Variants in ZBTB46 observed in about 807,000 individuals in gnomAD.
The protein encoded by ZBTB46 is zinc finger and BTB domain-containing protein 46.
In ZBTB46, 8 loss-of-function variants were observed where a neutral mutation model predicts 44.1. The ratio of observed to expected loss-of-function variants is 0.18; its 90% CI spans 0.11 to 0.33. ZBTB46 has a LOEUF of 0.33. ZBTB46 is among the 10% of genes least tolerant of loss of function. The probability of loss-of-function intolerance (pLI) is 1.00; values close to 1 mark genes in which losing one functional copy is unlikely to be tolerated. For synonymous variants in ZBTB46, 409 were observed against 382.3 expected, an observed-to-expected ratio of 1.07 and a Z score of -0.81; for missense variants, 651 against 847.7, an observed-to-expected ratio of 0.77 and a Z score of 2.88.
chr20:63,759,140 G>A (rs1381601533), intron 3 of ZBTB46, among the ~76,000 whole-genome samples: 2 of 152,218 alleles, frequency 1.3e-5, no homozygotes, highest in South Asian at 4.2e-4. Context: ...ATAGTTTTCT[G>A]TGTAGAGGTC....
intron 2 of ZBTB46, among the ~76,000 whole-genome samples, chr20:63,778,216 CAACAACAAA>C (rs1397055983): frequency 1.3e-5 from 2 of 152,132 alleles, no homozygotes; most frequent in Non-Finnish European, 2.9e-5. Flanking sequence ...TATTTAACAA[CAACAACAAA>C]AACAACAAAA....
intron 1 of ZBTB46, among the ~76,000 whole-genome samples, chr20:63,796,644 G>A (rs1030563144): frequency 1.3e-5 from 2 of 152,114 alleles, no homozygotes; most frequent in Non-Finnish European, 1.5e-5. Flanking sequence ...TGGCCAATAT[G>A]GTGAAACCCC....
chr20:63,826,471 C>T (rs551602522), intron 1 of ZBTB46, among the ~76,000 whole-genome samples: 4 of 152,162 alleles, frequency 2.6e-5, no homozygotes, highest in Non-Finnish European at 5.9e-5. Flanking sequence ...GCCTGTAATC[C>T]CAGCACTTTG....
At chr20:63,784,368 C>G (rs1473009526) in intron 2 of ZBTB46, among the ~76,000 whole-genome samples, 3 of 152,206 alleles carry the variant, frequency 2.0e-5, no homozygotes, top group Non-Finnish European at 4.4e-5. Context: ...CCATTGTCCC[C>G]CATCTGGAGC....
intron 4 of ZBTB46, among the ~76,000 whole-genome samples, chr20:63,747,908 C>T (rs1305872869): frequency 6.6e-6 from 1 of 152,254 alleles, no homozygotes; most frequent in Non-Finnish European, 1.5e-5. Context: ...TTCCTCCAAA[C>T]CTCCCTGCAG....
chr20:63,765,105 TTGTGTG>T, intron 3 of ZBTB46, among the ~76,000 whole-genome samples: 2 of 150,486 alleles, frequency 1.3e-5, no homozygotes, highest in Non-Finnish European at 3.0e-5. Context: ...GTATGTGTGG[TTGTGTG>T]TGTGTGTGCG....
intron 1 of ZBTB46, among the ~76,000 whole-genome samples, chr20:63,820,870 AG>A (rs1231199973): frequency 6.6e-6 from 1 of 151,540 alleles, no homozygotes; most frequent in Non-Finnish European, 1.5e-5. Context: ...CTGGGACTAC[AG>A]GTGTCTGCCC....
intron 3 of ZBTB46, among the ~76,000 whole-genome samples, chr20:63,760,211 T>A (rs1363221092): frequency 6.6e-6 from 1 of 152,190 alleles, no homozygotes. Context: ...TCCGTTAAAA[T>A]TGGAAAGAAT....
chr20:63,768,053 ACT>A (rs2092335651), intron 3 of ZBTB46: 2 of 985,228 alleles, frequency 2.0e-6, no homozygotes, highest in Admixed American at 6.1e-5. Context: ...TAGTGTGGAC[ACT>A]CTGCTGCCCT....
chr20:63,750,338 TG>T (rs2092148535), intron 4 of ZBTB46, among the ~76,000 whole-genome samples: 2 of 151,884 alleles, frequency 1.3e-5, no homozygotes, highest in African/African-American at 4.8e-5. Flanking sequence ...TGGACCTCAC[TG>T]GGCTCAGGTG....
intron 3 of ZBTB46, among the ~76,000 whole-genome samples, chr20:63,762,375 C>T (rs1319329978): frequency 6.1e-5 from 7 of 114,224 alleles, no homozygotes; most frequent in East Asian, 2.0e-4. Context: ...GAGCTGTTGC[C>T]GGGCACAGTA....
chr20:63,783,071 C>T (rs6089775), intron 2 of ZBTB46, among the ~76,000 whole-genome samples: 82,624 of 151,470 alleles, frequency 0.55, 22,647 homozygotes, highest in South Asian at 0.62. Context: ...TTGAGGCTGC[C>T]GTGAGCCGAG....
intron 1 of ZBTB46, among the ~76,000 whole-genome samples, chr20:63,797,847 G>T (rs1333949684): frequency 6.6e-6 from 1 of 152,156 alleles, no homozygotes; most frequent in Non-Finnish European, 1.5e-5. Flanking sequence ...TTTTGATGGG[G>T]TTGTTTGATT....
At chr20:63,820,084 G>A (rs2092782651) in intron 1 of ZBTB46, among the ~76,000 whole-genome samples, 1 of 152,118 alleles carries the variant, frequency 6.6e-6, no homozygotes, top group Admixed American at 6.6e-5. Context: ...CATAAAAACA[G>A]TAAACAGGCA....
At chr20:63,816,699 A>G (rs1034438756) in intron 1 of ZBTB46, among the ~76,000 whole-genome samples, 6 of 152,206 alleles carry the variant, frequency 3.9e-5, no homozygotes, top group African/African-American at 1.4e-4. Context: ...CTAAACCTGC[A>G]AACGTGACCT....
intron 2 of ZBTB46, 126 bp from the exon 3 acceptor site, chr20:63,776,088 G>T (rs2092423587): frequency 8.1e-7 from 1 of 1,235,438 alleles, no homozygotes; most frequent in East Asian, 2.8e-5. Context: ...ATCAAGTCCA[G>T]CCCACCCTGG....
At position 63,790,703 on chromosome 20, in the gene ZBTB46, G is replaced by A. The variant is rs1204910445; in HGVS notation, c.55C>T (p.Arg19Trp). Reference sequence around the variant, plus strand: ...TGCTGCCTCTGCTCGTTGAGCTCCCGCAGCAGGTGCCGGTAGTGGGACGTG... The same window carrying A: ...TGCTGCCTCTGCTCGTTGAGCTCCCACAGCAGGTGCCGGTAGTGGGACGTG... ...EITSHYRHLLRELNEQRQHGV... is the reference protein window; with the variant it reads ...EITSHYRHLLWELNEQRQHGV... Residue 19 changes from arginine (R) to tryptophan (W), a missense_variant, in exon 2 of 5, where the codon CGG becomes TGG. By Grantham distance (101) the Arg-to-Trp change is moderately radical (BLOSUM62 -3). Transcript: ENST00000245663. 3.7e-6 allele frequency: 6 copies of A among 1,611,196 alleles called. No individual in the cohort carries two copies. The highest frequency in any genetic ancestry group is 2.5e-6 in the Non-Finnish European group (3 of 1,179,604).
At chr20:63,806,511 A>C (rs1480350906) in intron 1 of ZBTB46, among the ~76,000 whole-genome samples, 1 of 152,130 alleles carries the variant, frequency 6.6e-6, no homozygotes, top group South Asian at 2.1e-4. Context: ...GCTAACTCTG[A>C]CCTGAAATGG....
At chr20:63,820,579 C>T (rs533762943) in intron 1 of ZBTB46, among the ~76,000 whole-genome samples, 40 of 149,318 alleles carry the variant, frequency 2.7e-4, no homozygotes, top group African/African-American at 9.2e-4. Context: ...GGATTACAGG[C>T]GCGCCACCAT....
Sources: gnomAD v4.1 joint callset for allele counts (sites outside exome capture counted in the v4.1 genomes callset) on GRCh38, gnomAD v4.1.1 for gene constraint, MANE v1.5 for transcripts, NCBI Gene and HGNC (gene_info 2026-07-23, HGNC 2026-07-21) for gene names.